Variants in LNPK observed in about 807,000 individuals in gnomAD.
The protein encoded by LNPK is endoplasmic reticulum junction formation protein lunapark.
Under a neutral mutation model 55.2 loss-of-function variants are expected in LNPK, and 29 were observed. The ratio of observed to expected loss-of-function variants is 0.53; its 90% CI spans 0.39 to 0.72. The LOEUF (loss-of-function observed/expected upper bound fraction) is 0.72, where lower values mean the gene tolerates loss of function less well. Among genes scored for constraint, LNPK ranks in the 30% least tolerant of loss-of-function variants. The pLI is 0.00. For synonymous variants in LNPK, 162 were observed against 168.2 expected, an observed-to-expected ratio of 0.96 and a Z score of 0.29; for missense variants, 467 against 494.8, an observed-to-expected ratio of 0.94 and a Z score of 0.53.
chr2:175,995,454 C>A, intron 2 of LNPK, 104 bp downstream of exon 2: 8 of 732,506 alleles, frequency 1.1e-5, no homozygotes, highest in Admixed American at 3.0e-5. Flanking sequence ...AGGAAAATAG[C>A]AAACTACTAT....
intron 3 of LNPK, 118 bp downstream of exon 3, chr2:175,993,060 GACTC>G: frequency 1.7e-6 from 1 of 594,830 alleles, no homozygotes; most frequent in Non-Finnish European, 2.9e-6. Flanking sequence ...AAAGTTCTCA[GACTC>G]ACTCTATATC....
At chr2:175,977,811 T>A (rs1367623868) in intron 5 of LNPK, among the ~76,000 whole-genome samples, 3 of 152,166 alleles carry the variant, frequency 2.0e-5, no homozygotes, top group African/African-American at 7.2e-5. Context: ...AAATTGGTGG[T>A]AGCTTAAAGG....
intron 5 of LNPK, among the ~76,000 whole-genome samples, chr2:175,973,704 C>T (rs1043123345): frequency 2.6e-5 from 4 of 152,138 alleles, no homozygotes; most frequent in African/African-American, 7.2e-5. Context: ...TCAAGCTCAG[C>T]GTGGACAACT....
At position 175,979,803 on chromosome 2, in the gene LNPK, A is replaced by G; in HGVS notation, c.316+7T>C. ...AAATATTTATTAAAAATTGGAATTA[A>G]ACTTACTATTTCTTTCTGTTCTCTT... On this transcript the variant is annotated splice_region_variant and intron_variant, in intron 5 of 12. Transcript: ENST00000272748. The G allele has an allele frequency of 6.4e-7, 1 of 1,550,468 alleles. No homozygotes were observed. Among genetic ancestry groups the G allele is most frequent in the Non-Finnish European group, 8.7e-7 (1 of 1,145,574 alleles).
At chr2:175,985,377 T>C (rs1179846797) in intron 4 of LNPK, among the ~76,000 whole-genome samples, 1 of 152,198 alleles carries the variant, frequency 6.6e-6, no homozygotes, top group African/African-American at 2.4e-5. Context: ...CTGAATAGGC[T>C]CCGTGGATTG....
chr2:175,980,146 C>T (rs1687103262), intron 4 of LNPK, among the ~76,000 whole-genome samples: 1 of 152,190 alleles, frequency 6.6e-6, no homozygotes, highest in African/African-American at 2.4e-5. Context: ...AAGACCATTG[C>T]TTTCATCAGC....
intron 4 of LNPK, 69 bp from the exon 5 acceptor site, chr2:175,979,937 T>C (rs571110678): frequency 2.2e-6 from 3 of 1,373,658 alleles, no homozygotes; most frequent in South Asian, 2.8e-5. Context: ...CCATGTAAAA[T>C]GAAAACATAT....
intron 4 of LNPK, among the ~76,000 whole-genome samples, chr2:175,986,814 C>T (rs548456675): frequency 1.3e-5 from 2 of 151,666 alleles, no homozygotes; most frequent in Non-Finnish European, 2.9e-5. Flanking sequence ...CTGTCTCAAT[C>T]CAAAAGTCAG....
At chr2:175,970,958 C>T (rs1306082318) in intron 5 of LNPK, among the ~76,000 whole-genome samples, 154 bp from the exon 6 acceptor site, 1 of 152,064 alleles carries the variant, frequency 6.6e-6, no homozygotes, top group Non-Finnish European at 1.5e-5. Context: ...TCTCCATCTT[C>T]ACCCACATAT....
intron 2 of LNPK, chr2:175,994,375 A>T: frequency 1.0e-6 from 1 of 968,544 alleles, no homozygotes; most frequent in Non-Finnish European, 1.2e-6. Context: ...GATCCAAAAC[A>T]AGGCTGTTCC....
chr2:175,959,648 G>A (rs925311108), intron 8 of LNPK, among the ~76,000 whole-genome samples: 6 of 152,090 alleles, frequency 3.9e-5, no homozygotes, highest in Non-Finnish European at 5.9e-5. Context: ...AAGAAACTGC[G>A]TCAACTAACA....
chr2:175,988,283 C>A (rs1393143451), intron 4 of LNPK, among the ~76,000 whole-genome samples: 1 of 151,938 alleles, frequency 6.6e-6, no homozygotes, highest in Non-Finnish European at 1.5e-5. Context: ...GGGCAGATCA[C>A]TTGAGGCCAA....
upstream of LNPK, chr2:176,002,550 C>G (rs1162530254): frequency 4.9e-6 from 1 of 203,502 alleles, no homozygotes; most frequent in Non-Finnish European, 1.0e-5. Flanking sequence ...CCTGTTCTGC[C>G]AAGTCTCGCT....
chr2:175,980,014 G>C, intron 4 of LNPK, 146 bp from the exon 5 acceptor site: 1 of 707,796 alleles, frequency 1.4e-6, no homozygotes, highest in Non-Finnish European at 2.2e-6. Flanking sequence ...GTTTATTTCT[G>C]CCAGAGAACA....
intron 5 of LNPK, among the ~76,000 whole-genome samples, chr2:175,977,214 T>C (rs1686950360): frequency 6.6e-6 from 1 of 152,140 alleles, no homozygotes. Flanking sequence ...TCTGAATCTG[T>C]GGAAGTGAAT....
chr2:175,964,636 T>C (rs761805221), intron 6 of LNPK, 47 bp from the exon 7 acceptor site: 5 of 980,260 alleles, frequency 5.1e-6, no homozygotes, highest in Non-Finnish European at 8.2e-6. Context: ...AAACACACAC[T>C]ACTTATTTGT....
chr2:175,960,550 A>C (rs1685965678), intron 8 of LNPK, among the ~76,000 whole-genome samples: 1 of 152,234 alleles, frequency 6.6e-6, no homozygotes, highest in African/African-American at 2.4e-5. Context: ...TCTGGGACAC[A>C]TTTAAAGCAG....
At chr2:175,951,881 A>G (rs894908981) in intron 8 of LNPK, among the ~76,000 whole-genome samples, 2 of 151,756 alleles carry the variant, frequency 1.3e-5, no homozygotes. Flanking sequence ...TGTTCACCAC[A>G]CCCACACCAA....
At chr2:175,973,134 T>C (rs1051367853) in intron 5 of LNPK, among the ~76,000 whole-genome samples, 3 of 152,218 alleles carry the variant, frequency 2.0e-5, no homozygotes, top group Non-Finnish European at 2.9e-5. Context: ...TTGTTTTGCC[T>C]TGCAATCTTA....
Sources: allele counts gnomAD v4.1 joint callset (sites outside exome capture counted in the v4.1 genomes callset), GRCh38; gene constraint gnomAD v4.1.1; transcripts MANE v1.5; gene names NCBI Gene and HGNC (gene_info 2026-07-23, HGNC 2026-07-21).